The following CLCA2 variants were observed in gnomAD, a reference collection of about 807,000 sequenced individuals.
The protein encoded by CLCA2 is calcium-activated chloride channel regulator 2.
Under a neutral mutation model 82.9 loss-of-function variants are expected in CLCA2, and 85 were observed. The observed-to-expected ratio is 1.03, with a 90% CI of 0.86 to 1.23. CLCA2 has a LOEUF of 1.23. Ranked by LOEUF, CLCA2 falls within the 50% of genes most tolerant of loss-of-function variation. The pLI is 0.00. For missense variants in CLCA2, 1,089 were observed against 1,124.8 expected (o/e 0.97, Z 0.45); for synonymous variants, 421 against 391.7 (o/e 1.07, Z -0.88).
intron 10 of CLCA2, among the ~76,000 whole-genome samples, chr1:86,444,334 A>T (rs1263239423): frequency 6.6e-6 from 1 of 152,200 alleles, no homozygotes; most frequent in Non-Finnish European, 1.5e-5. Context: ...TTAGAAAAAA[A>T]TCTCTACTTA....
At chr1:86,424,507 C>A in intron 1 of CLCA2, 74 bp downstream of exon 1, 1 of 1,297,902 alleles carries the variant, frequency 7.7e-7, no homozygotes, top group Non-Finnish European at 1.1e-6. Flanking sequence ...AAGCTAACTA[C>A]CCTGCCTGGT....
intron 13 of CLCA2, 86 bp from the exon 14 acceptor site, chr1:86,454,999 G>T: frequency 6.9e-6 from 5 of 728,836 alleles, no homozygotes; most frequent in East Asian, 2.9e-5. Flanking sequence ...TTGACTTTTT[G>T]TTGCTGTTCT....
At position 86,455,385 on chromosome 1, in the gene CLCA2, C is replaced by G. The variant is rs534935542; in HGVS notation, c.2690C>G (p.Ala897Gly). 1.2e-6 allele frequency: 2 copies of G among 1,609,858 alleles called. No homozygotes were observed. The highest frequency in any genetic ancestry group is 2.7e-5 in the African/African-American group (2 of 74,816). Residue 897 changes from alanine to glycine, a missense_variant, in exon 14 of 14, where the codon GCC (alanine) becomes GGC (glycine). By Grantham distance (60) the Ala-to-Gly change is moderately conservative. Coordinates refer to ENST00000370565, the MANE Select transcript of CLCA2 (RefSeq NM_006536.7). Reference sequence around the variant, plus strand: ...CCCCCCAATTCTGATCCTGTACCTGCCAGAGATTATCTTATATTGAAAGGA... The same window carrying G: ...CCCCCCAATTCTGATCCTGTACCTGGCAGAGATTATCTTATATTGAAAGGA... ...FIPPNSDPVP[A>G]RDYLILKGVL...
intron 3 of CLCA2, among the ~76,000 whole-genome samples, chr1:86,430,089 G>T (rs1411352931): frequency 2.7e-5 from 4 of 146,636 alleles, no homozygotes; most frequent in Non-Finnish European, 6.1e-5. Context: ...TGAGTTCCCG[G>T]AACTTAAAAT....
rs369760321 is a variant in CLCA2 at position 86,455,400 on chromosome 1, T to C, written c.2705T>C (p.Ile902Thr). ...CCTGTACCTGCCAGAGATTATCTTA[T>C]ATTGAAAGGAGTTTTAACAGCAATG... ...SDPVPARDYL[I>T]LKGVLTAMGL... The change falls in exon 14 of 14, where the codon ATA (isoleucine) becomes ACA (threonine). Residue 902 changes from isoleucine (I) to threonine (T), a missense_variant. By Grantham distance (89) the Ile-to-Thr change is moderately conservative (BLOSUM62 -1). Coordinates refer to ENST00000370565, the MANE Select transcript of CLCA2 (RefSeq NM_006536.7). The C allele has an allele frequency of 1.5e-4, 238 of 1,608,470 alleles. No homozygotes were observed. Among genetic ancestry groups the C allele is most frequent in the Non-Finnish European group, 1.9e-4 (229 of 1,178,314 alleles).
Position 86,453,412 on chromosome 1 carries a change from T to C in CLCA2, c.2199T>C (p.Asn733=). The change falls in exon 13 of 14, where the codon AAT becomes AAC. Residue 733 remains asparagine (N), a synonymous_variant. Transcript: ENST00000370565. ...CTCCAAGGAAATCAGTAGGCAGAAA[T>C]GAGGAGGAGCGAAAGTGGGGCTTTA... is the stretch of plus-strand genomic sequence containing the variant. ...MNAPRKSVGR[N]EEERKWGFSR... The C allele has an allele frequency of 1.9e-6, 3 of 1,613,952 alleles. No homozygotes were observed. Among genetic ancestry groups the C allele is most frequent in the Non-Finnish European group, 1.7e-6 (2 of 1,179,992 alleles).
chr1:86,435,932 T>A (rs79998983), intron 6 of CLCA2, among the ~76,000 whole-genome samples: 1 of 128,056 alleles, frequency 7.8e-6, no homozygotes, highest in Non-Finnish European at 1.8e-5. Flanking sequence ...TTTAAATGGT[T>A]AAAAAAAAAA....
Position 86,453,576 on chromosome 1 carries a change from C to G in CLCA2, c.2363C>G (p.Pro788Arg), listed in dbSNP as rs1174673746. Reference protein sequence around the residue: ...EEELTLSWTAPGEDFDQGQAT... With the variant: ...EEELTLSWTARGEDFDQGQAT... ...GAATTGACCCTATCTTGGACAGCAC[C>G]TGGAGAAGACTTTGATCAGGGCCAG... Residue 788 changes from proline (P) to arginine (R), a missense_variant, in exon 13 of 14, where the codon CCT (proline) becomes CGT (arginine). By Grantham distance (103) the Pro-to-Arg change is moderately radical. Coordinates refer to ENST00000370565, the MANE Select transcript of CLCA2 (RefSeq NM_006536.7). 1 of 1,614,042 alleles carries G rather than the reference C, an allele frequency of 6.2e-7. No individual in the cohort carries two copies. Among genetic ancestry groups the G allele is most frequent in the South Asian group, 1.1e-5 (1 of 91,076 alleles).
At chr1:86,448,338 G>A (rs536673679) in intron 11 of CLCA2, 1 of 152,908 alleles carries the variant, frequency 6.5e-6, no homozygotes, top group Non-Finnish European at 1.5e-5. Flanking sequence ...CCTTTTACGT[G>A]TGTAATTTGG....
intron 1 of CLCA2, 33 bp downstream of exon 1, chr1:86,424,466 C>A (rs367717363): frequency 1.3e-6 from 2 of 1,569,508 alleles, no homozygotes; most frequent in East Asian, 4.5e-5. Context: ...ATACTAGCAT[C>A]CCATTTGATC....
intron 6 of CLCA2, among the ~76,000 whole-genome samples, chr1:86,438,281 C>A (rs1420544584): frequency 3.3e-5 from 5 of 152,202 alleles, no homozygotes; most frequent in Non-Finnish European, 7.3e-5. Context: ...AAACTGGTCA[C>A]TAATATTACT....
intron 10 of CLCA2, among the ~76,000 whole-genome samples, chr1:86,446,768 G>A (rs2791463): frequency 0.57 from 86,479 of 151,972 alleles, 24,818 homozygotes; most frequent in South Asian, 0.68. Flanking sequence ...AGAAGTCAGG[G>A]AAAAGCAATA....
intron 13 of CLCA2, 23 bp downstream of exon 13, chr1:86,453,625 C>T (rs367651231): frequency 6.3e-7 from 1 of 1,589,322 alleles, no homozygotes; most frequent in Non-Finnish European, 8.6e-7. Flanking sequence ...ATTTCATTAC[C>T]TATTTTTCCA....
chr1:86,455,524 A>G lies in CLCA2; in HGVS notation c.2829A>G (p.Leu943=). The G allele has an allele frequency of 6.8e-7, 1 of 1,467,642 alleles. No individual in the cohort carries two copies. The highest frequency in any genetic ancestry group is 1.4e-5 in the African/African-American group (1 of 70,934). 90.9% of individuals were successfully genotyped at this position (1,467,642 alleles called of 1,614,324 possible). ...ADKKENGTKL[L] ...AGAAAGAGAATGGAACAAAATTATT[A>G]TAAATAAATATCCAAAGTGTCTTCC... Residue 943 remains leucine, a synonymous_variant, in exon 14 of 14, where the codon TTA becomes TTG. Transcript: ENST00000370565.
Position 86,447,676 on chromosome 1 carries a change from G to A in CLCA2, c.1882G>A (p.Val628Met). The A allele has an allele frequency of 6.2e-7, 1 of 1,614,132 alleles. No homozygotes were observed. The highest frequency in any genetic ancestry group is 8.5e-7 in the Non-Finnish European group (1 of 1,180,016). ...TCATCCTGTGATGATTTATGCCAAT[G>A]TGAAACAGGGATTTTATCCCATTCT... ...FPHPVMIYAN[V>M]KQGFYPILNA... Residue 628 changes from valine to methionine, a missense_variant, in exon 11 of 14, where the codon GTG (valine) becomes ATG (methionine). Val to Met is a conservative substitution (Grantham distance 21). Transcript: ENST00000370565.
chr1:86,428,581 A>G lies in CLCA2; in HGVS notation c.475+13A>G, dbSNP rs1486036632. On this transcript the variant is annotated intron_variant, in intron 3 of 13. Coordinates refer to ENST00000370565, the MANE Select transcript of CLCA2 (RefSeq NM_006536.7). Reference sequence around the variant, plus strand: ...TACGGATCACGAGGTAAGTGGGACCAATAAAACAATAGCCATTGGACAATA... The same window carrying G: ...TACGGATCACGAGGTAAGTGGGACCGATAAAACAATAGCCATTGGACAATA... The G allele has an allele frequency of 6.2e-7, 1 of 1,610,884 alleles. No individual in the cohort carries two copies.
At chr1:86,434,838 T>C (rs1302684026) in intron 6 of CLCA2, 93 bp downstream of exon 6, 1 of 1,039,496 alleles carries the variant, frequency 9.6e-7, no homozygotes. Context: ...GGGGTACATG[T>C]GCAGGACGTT....
In CLCA2 at chr1:86,430,860, A is replaced by T. The variant is rs771466499; in HGVS notation, c.476-2A>T. On this transcript the variant is annotated splice_acceptor_variant, in intron 3 of 13. Coordinates refer to ENST00000370565, the MANE Select transcript of CLCA2 (RefSeq NM_006536.7). LOFTEE classifies it high-confidence loss of function. The stretch of plus-strand genomic sequence containing the variant: ...CAAAAGCAAAAGTTCTTTCTTCCGC[A>T]GGCCGAGTGTTTGTCCATGAATGGG... The T allele has an allele frequency of 6.2e-7, 1 of 1,611,778 alleles. No homozygotes were observed. Among genetic ancestry groups the T allele is most frequent in the Non-Finnish European group, 8.5e-7 (1 of 1,179,004 alleles).
chr1:86,445,356 C>CTTTTTTTTTT (rs1190239314), intron 10 of CLCA2: 11 of 88,946 alleles, frequency 1.2e-4, no homozygotes, highest in Non-Finnish European at 1.9e-4. Context: ...AAGTGTTAAC[C>CTTTTTTTTTT]TTTTTTTTTT....
Sources: gnomAD v4.1 joint callset for allele counts (sites outside exome capture counted in the v4.1 genomes callset) on GRCh38, gnomAD v4.1.1 for gene constraint, MANE v1.5 for transcripts, NCBI Gene and HGNC (gene_info 2026-07-23, HGNC 2026-07-21) for gene names.